CASC3: variants seen among roughly 807,000 people sequenced by gnomAD.
CASC3 encodes the protein protein CASC3.
A neutral mutation model predicts 80.5 loss-of-function variants in CASC3; 30 were observed. The observed-to-expected ratio is 0.37, with a 90% CI of 0.28 to 0.51. CASC3 has a LOEUF of 0.51. Among genes scored for constraint, CASC3 ranks in the 20% least tolerant of loss-of-function variants. CASC3 has a pLI of 0.94. For missense variants in CASC3, 824 were observed against 922.2 expected (o/e 0.89, Z 1.38); for synonymous variants, 312 against 333.6 (o/e 0.94, Z 0.70).
intron 8 of CASC3, 25 bp from the exon 9 acceptor site, chr17:40,167,473 G>A: frequency 6.4e-7 from 1 of 1,559,380 alleles, no homozygotes; most frequent in African/African-American, 1.4e-5. Context: ...AATTCTTATT[G>A]TTTAGGCCTC....
chr17:40,153,710 G>A (rs1336971256), intron 3 of CASC3, among the ~76,000 whole-genome samples: 1 of 152,206 alleles, frequency 6.6e-6, no homozygotes, highest in African/African-American at 2.4e-5. Context: ...CTACTCAGGA[G>A]GCTGTGGCAG....
chr17:40,152,628 A>G lies in CASC3; in HGVS notation c.298-9125A>G, dbSNP rs184713583. 4.2e-3 allele frequency among the ~76,000 whole-genome samples: 633 copies of G among 151,860 alleles called. 6 individuals carry two copies. The highest frequency in any genetic ancestry group is 0.015 in the African/African-American group (613 of 41,400). ...AGCCACCATGCCCAGCCGCCCAGCT[A>G]ATTTTTAAACAAATTTTTTGTAGAG... On this transcript the variant is annotated intron_variant, in intron 3 of 13. Transcript: ENST00000264645.
At chr17:40,141,330 G>A (rs767341668) in intron 2 of CASC3, 96 bp downstream of exon 2, 5 of 1,204,124 alleles carry the variant, frequency 4.2e-6, no homozygotes, top group East Asian at 2.3e-5. Context: ...ACACTGTCAC[G>A]GATTTAGGGC....
rs1989317210 is a variant in CASC3, at chr17:40,162,099, A to G, written c.554A>G (p.Lys185Arg). 6.2e-7 allele frequency: 1 copy of G among 1,613,944 alleles called. No homozygotes were observed. Among genetic ancestry groups the G allele is most frequent in the Admixed American group, 1.7e-5 (1 of 59,976 alleles). Residue 185 changes from lysine (K) to arginine (R), a missense_variant, in exon 5 of 14, where the codon AAA (lysine) becomes AGA (arginine). This residue lies in a region of CASC3 where 201 missense variants were observed against 294.1 expected (regional missense o/e 0.68). Transcript: ENST00000264645. Reference protein sequence around the residue: ...DRKNPAYIPRKGLFFEHDLRG... With the variant: ...DRKNPAYIPRRGLFFEHDLRG... Reference sequence around the variant, plus strand: ...AAGAATCCAGCATACATACCTCGGAAAGGGCTCTTCTTTGAGCATGATCTT... The same window carrying G: ...AAGAATCCAGCATACATACCTCGGAGAGGGCTCTTCTTTGAGCATGATCTT...
chr17:40,171,561 C>G lies in CASC3; in HGVS notation c.*1156C>G. On this transcript the variant is annotated 3_prime_UTR_variant, in exon 14 of 14. Coordinates refer to ENST00000264645, the MANE Select transcript of CASC3 (RefSeq NM_007359.5). ...CGAATTCTATTTTTGTCCTTGCAGA[C>G]AGAATATAAAAACTCCTGGGCTTAA... 1.0e-6 allele frequency: 1 copy of G among 989,060 alleles called. No homozygotes were observed. The highest frequency in any genetic ancestry group is 1.2e-6 in the Non-Finnish European group (1 of 831,776). 61.3% of individuals were successfully genotyped at this position (989,060 alleles called of 1,614,324 possible). A position where few individuals can be genotyped will look rare whatever the true frequency, so the allele number is the denominator to read the frequency against.
chr17:40,168,580 G>A (rs1423439242), intron 11 of CASC3, 163 bp downstream of exon 11: 2 of 647,724 alleles, frequency 3.1e-6, no homozygotes, highest in South Asian at 1.9e-5. Flanking sequence ...TGGAAATGCA[G>A]CTTATGTAAT....
In CASC3 at chr17:40,171,489, C is replaced by A. The variant is rs1274350779; in HGVS notation, c.*1084C>A. 1 of 987,670 alleles carries A rather than the reference C, an allele frequency of 1.0e-6. No individual in the cohort carries two copies. The allele number at this position is 987,670 out of a possible 1,614,324, so 61.2% of individuals were successfully genotyped here. On this transcript the variant is annotated 3_prime_UTR_variant, in exon 14 of 14. Coordinates refer to ENST00000264645, the MANE Select transcript of CASC3 (RefSeq NM_007359.5). ...TGTCCTTTGCAATTGCTCTTCTCCA[C>A]GTCTTTCCTGCTACAAGTGTTTTAG...
chr17:40,162,153 G>T lies in CASC3; in HGVS notation c.608G>T (p.Arg203Ile). 1 of 1,610,970 alleles carries T rather than the reference G, an allele frequency of 6.2e-7. No homozygotes were observed. Among genetic ancestry groups the T allele is most frequent in the South Asian group, 1.1e-5 (1 of 90,622 alleles). Residue 203 changes from arginine (R) to isoleucine (I), a missense_variant and splice_region_variant, in exon 5 of 14, where the codon AGA becomes ATA. Coordinates refer to ENST00000264645, the MANE Select transcript of CASC3 (RefSeq NM_007359.5). The stretch of plus-strand genomic sequence containing the variant: ...GGGCAAACTCAGGAGGAGGAAGTCA[G>T]GTAAAAGCCACTTGCTGCTGCTGCT... ...LRGQTQEEEV[R>I]PKGRQRKLWK...
chr17:40,165,810 G>A (rs1989435948), intron 7 of CASC3, among the ~76,000 whole-genome samples: 1 of 148,648 alleles, frequency 6.7e-6, no homozygotes, highest in Non-Finnish European at 1.5e-5. Context: ...CCAGGCTAGA[G>A]TCTGGAGTGC....
At chr17:40,167,187 C>CT (rs1989471166) in intron 8 of CASC3, 2 of 505,932 alleles carry the variant, frequency 4.0e-6, no homozygotes, top group African/African-American at 2.0e-5. Context: ...GTCCTGACTC[C>CT]TGACCTCATG....
Position 40,171,232 on chromosome 17 carries a change from G to A in CASC3, c.*827G>A, listed in dbSNP as rs943984964. The stretch of plus-strand genomic sequence containing the variant: ...CTCTGCTGAGGGCCAATACCCTACT[G>A]TGGGGAGAGATGGCACACCAGATGC... On this transcript the variant is annotated 3_prime_UTR_variant, in exon 14 of 14. Transcript: ENST00000264645. 3 of 985,958 alleles carry A rather than the reference G, an allele frequency of 3.0e-6. No individual in the cohort carries two copies. The African/African-American group carries it at 5.2e-5, about 17-fold the overall frequency. The allele number at this position is 985,958 out of a possible 1,614,324, so 61.1% of individuals were successfully genotyped here. A position where few individuals can be genotyped will look rare whatever the true frequency, so the allele number is the denominator to read the frequency against.
Position 40,170,814 on chromosome 17 carries a change from TCTTATC to T in CASC3, c.*414_*419del. ...AGATGTTCATTTTTAAAGCCTGGCT[TCTTATC>T]CTTAATATTATTTTAATTTTTTCTC... On this transcript the variant is annotated 3_prime_UTR_variant, in exon 14 of 14. Coordinates refer to ENST00000264645, the MANE Select transcript of CASC3 (RefSeq NM_007359.5). 5 of 985,048 alleles carry T rather than the reference TCTTATC, an allele frequency of 5.1e-6. No homozygotes were observed. The highest frequency in any genetic ancestry group is 6.0e-6 in the Non-Finnish European group (5 of 829,498). The allele number at this position is 985,048 out of a possible 1,614,324, so 61.0% of individuals were successfully genotyped here.
intron 2 of CASC3, 60 bp downstream of exon 2, chr17:40,141,294 T>C (rs1988709889): frequency 6.8e-7 from 1 of 1,479,500 alleles, no homozygotes; most frequent in Non-Finnish European, 9.4e-7. Context: ...ACTCAGGTCA[T>C]CTATTTCCAA....
At chr17:40,150,532 CA>C (rs1325079807) in intron 3 of CASC3, among the ~76,000 whole-genome samples, 1 of 151,350 alleles carries the variant, frequency 6.6e-6, no homozygotes, top group Non-Finnish European at 1.5e-5. Flanking sequence ...ATGGGAGTGG[CA>C]AGAGAAATGG....
chr17:40,169,679 C>T lies in CASC3; in HGVS notation c.*41+17C>T. 1 of 1,201,416 alleles carries T rather than the reference C, an allele frequency of 8.3e-7. No individual in the cohort carries two copies. Among genetic ancestry groups the T allele is most frequent in the East Asian group, 4.0e-5 (1 of 25,312 alleles). The allele number at this position is 1,201,416 out of a possible 1,614,324, so 74.4% of individuals were successfully genotyped here. A position where few individuals can be genotyped will look rare whatever the true frequency, so the allele number is the denominator to read the frequency against. On this transcript the variant is annotated intron_variant, in intron 13 of 13. Coordinates refer to ENST00000264645, the MANE Select transcript of CASC3 (RefSeq NM_007359.5). ...CATATAAAAGTAAGTGCACAACTTA[C>T]TGTGAATATTGTTAAAACTAATGCT...
chr17:40,143,560 A>C (rs546340603), intron 3 of CASC3, among the ~76,000 whole-genome samples: 1 of 151,774 alleles, frequency 6.6e-6, no homozygotes. Context: ...GGCTGGGCAC[A>C]GTGGCTCATG....
rs1426920935 is a variant in CASC3 at position 40,168,229 on chromosome 17, C to T, written c.1777C>T (p.Pro593Ser). The change falls in exon 11 of 14, where the codon CCT becomes TCT. Residue 593 changes from proline (P) to serine (S), a missense_variant. Transcript: ENST00000264645. ...PGLHPHQTPAPLPNPGLYPPP... is the reference protein window; with the variant it reads ...PGLHPHQTPASLPNPGLYPPP... ...TTTACATCCCCACCAGACACCAGCT[C>T]CTCTGCCCAATCCAGGCCTCTATCC... 2 of 1,614,142 alleles carry T rather than the reference C, an allele frequency of 1.2e-6. No homozygotes were observed. The highest frequency in any genetic ancestry group is 4.5e-5 in the East Asian group (2 of 44,880).
chr17:40,164,075 T>C lies in CASC3; in HGVS notation c.1380T>C (p.Ser460=). Residue 460 remains serine, a synonymous_variant, in exon 7 of 14, where the codon AGT becomes AGC. Transcript: ENST00000264645. ...AAGCTCCGGTGGATTCTAGTACAAG[T>C]GGACTTGAGCAAGATGTGGCACAAC... is the stretch of plus-strand genomic sequence containing the variant. ...TWEAPVDSST[S]GLEQDVAQLN... 6.2e-7 allele frequency: 1 copy of C among 1,613,800 alleles called. No individual in the cohort carries two copies. The highest frequency in any genetic ancestry group is 8.5e-7 in the Non-Finnish European group (1 of 1,180,014).
At chr17:40,154,568 CTA>C (rs1012657156) in intron 3 of CASC3, among the ~76,000 whole-genome samples, 1 of 151,234 alleles carries the variant, frequency 6.6e-6, no homozygotes, top group African/African-American at 2.4e-5. Flanking sequence ...TAAGAGTTCT[CTA>C]TATATTCTGT....
Sources: allele counts gnomAD v4.1 joint callset (sites outside exome capture counted in the v4.1 genomes callset), GRCh38; gene constraint gnomAD v4.1.1; regional missense constraint gnomAD v4.1.1; transcripts MANE v1.5; gene names NCBI Gene and HGNC (gene_info 2026-07-23, HGNC 2026-07-21).